The following CPPED1 variants were observed in gnomAD, a reference collection of about 807,000 sequenced individuals.
CPPED1 encodes serine/threonine-protein phosphatase CPPED1.
CPPED1 carries 28 observed loss-of-function variants against 28.0 expected under a neutral mutation model. The ratio of observed to expected loss-of-function variants is 1.00; its 90% CI spans 0.74 to 1.37. CPPED1 has a LOEUF of 1.37. Among genes scored for constraint, CPPED1 ranks in the 40% most tolerant of loss-of-function variants. CPPED1 has a pLI of 0.00. For missense variants in CPPED1, 504 were observed against 416.5 expected, an observed-to-expected ratio of 1.21 and a Z score of -1.83; for synonymous variants, 198 against 180.2, an observed-to-expected ratio of 1.10 and a Z score of -0.79.
At chr16:12,734,621 C>T (rs990887686) in intron 2 of CPPED1, among the ~76,000 whole-genome samples, 2 of 151,942 alleles carry the variant, frequency 1.3e-5, no homozygotes, top group South Asian at 2.1e-4. Flanking sequence ...CCTCATGATC[C>T]GCCCACGTCG....
At chr16:12,700,138 G>A (rs1245953637) in intron 3 of CPPED1, among the ~76,000 whole-genome samples, 1 of 152,178 alleles carries the variant, frequency 6.6e-6, no homozygotes, top group Non-Finnish European at 1.5e-5. Flanking sequence ...GGCAGGCCAC[G>A]GAAACTGACA....
At chr16:12,737,244 GT>G (rs1331287343) in intron 2 of CPPED1, among the ~76,000 whole-genome samples, 1 of 151,962 alleles carries the variant, frequency 6.6e-6, no homozygotes, top group African/African-American at 2.4e-5. Context: ...CAATGAAAAG[GT>G]AACATTTGAG....
chr16:12,764,664 A>G (rs2080429199), intron 2 of CPPED1, among the ~76,000 whole-genome samples: 1 of 152,166 alleles, frequency 6.6e-6, no homozygotes, highest in Non-Finnish European at 1.5e-5. Context: ...ATAAACCATG[A>G]GCCTGGTGGG....
chr16:12,664,518 G>C lies in CPPED1; in HGVS notation c.*368C>G. 1 of 1,069,544 alleles carries C rather than the reference G, an allele frequency of 9.3e-7. No individual in the cohort carries two copies. The highest frequency in any genetic ancestry group is 1.1e-6 in the Non-Finnish European group (1 of 883,750). 66.3% of individuals were successfully genotyped at this position (1,069,544 alleles called of 1,614,324 possible). Reference sequence around the variant, plus strand: ...TAAGGAATTATCAAAGATCATACTTGGCTGTCAGATTGGAATTGAGGTCGA... The same window carrying C: ...TAAGGAATTATCAAAGATCATACTTCGCTGTCAGATTGGAATTGAGGTCGA... On this transcript the variant is annotated 3_prime_UTR_variant, in exon 4 of 4. Transcript: ENST00000381774. The surrounding 1 kb of genome is among the most constrained non-coding windows in gnomAD (Gnocchi z 4.2).
At chr16:12,715,870 G>A (rs371404070) in intron 2 of CPPED1, among the ~76,000 whole-genome samples, 1 of 152,156 alleles carries the variant, frequency 6.6e-6, no homozygotes, top group Non-Finnish European at 1.5e-5. Context: ...CCTGCAGCCC[G>A]TATGCAGCCC....
intron 3 of CPPED1, among the ~76,000 whole-genome samples, chr16:12,696,399 A>G (rs1233417570): frequency 6.7e-6 from 1 of 149,684 alleles, no homozygotes; most frequent in Non-Finnish European, 1.5e-5. Context: ...GCCCTTAGTG[A>G]GTGCTCACTA....
At chr16:12,739,781 T>C (rs1313250874) in intron 2 of CPPED1, among the ~76,000 whole-genome samples, 1 of 152,008 alleles carries the variant, frequency 6.6e-6, no homozygotes, top group Non-Finnish European at 1.5e-5. Context: ...TGAGGAGAAA[T>C]TGGCTGGGGG....
chr16:12,665,209 A>T, intron 3 of CPPED1, 94 bp from the exon 4 acceptor site: 43 of 976,182 alleles, frequency 4.4e-5, no homozygotes, highest in Non-Finnish European at 5.3e-5. Context: ...GTAATATATT[A>T]AATATATTAT....
chr16:12,677,029 T>C (rs1034932661), intron 3 of CPPED1, among the ~76,000 whole-genome samples: 2 of 151,868 alleles, frequency 1.3e-5, no homozygotes, highest in Non-Finnish European at 2.9e-5. Context: ...ACACATCAGG[T>C]GAGGGGAATA....
chr16:12,800,623 C>T (rs1249440202), intron 1 of CPPED1, among the ~76,000 whole-genome samples: 2 of 152,178 alleles, frequency 1.3e-5, no homozygotes, highest in Non-Finnish European at 2.9e-5. Flanking sequence ...CTTCCTCACA[C>T]ATCCAGCTTG....
intron 1 of CPPED1, among the ~76,000 whole-genome samples, chr16:12,786,083 A>T (rs1357960668): frequency 6.6e-6 from 1 of 152,208 alleles, no homozygotes; most frequent in African/African-American, 2.4e-5. Context: ...AGCCTGATGA[A>T]GAGGGACAAG....
intron 3 of CPPED1, among the ~76,000 whole-genome samples, chr16:12,694,450 A>G (rs1027985986): frequency 3.3e-5 from 5 of 152,124 alleles, no homozygotes; most frequent in Non-Finnish European, 5.9e-5. Flanking sequence ...AATTAGCCCA[A>G]CTGTTAAGGA....
intron 3 of CPPED1, among the ~76,000 whole-genome samples, chr16:12,677,928 G>A (rs542102525): frequency 2.6e-5 from 4 of 152,306 alleles, no homozygotes; most frequent in South Asian, 4.1e-4. Context: ...ACTCAACTCC[G>A]CCTTCCTTTG....
chr16:12,716,172 G>C (rs915919979), intron 2 of CPPED1, among the ~76,000 whole-genome samples: 1 of 152,212 alleles, frequency 6.6e-6, no homozygotes, highest in East Asian at 1.9e-4. Flanking sequence ...CACTGGACAT[G>C]TTACTTCTGG....
At chr16:12,797,595 C>G (rs1158204964) in intron 1 of CPPED1, among the ~76,000 whole-genome samples, 1 of 152,098 alleles carries the variant, frequency 6.6e-6, no homozygotes, top group Non-Finnish European at 1.5e-5. Flanking sequence ...GTGGCTCACA[C>G]CTGTAATCCT....
rs759075092 is a variant in CPPED1, at chr16:12,704,623, C to A, written c.715+1G>T. ...TGAAACCCGTGGCCCGGGGCCTCTACCTGCGTGGATGAACTTGTCTGCCAA... is the reference window on the plus strand; with the variant it reads ...TGAAACCCGTGGCCCGGGGCCTCTAACTGCGTGGATGAACTTGTCTGCCAA... On this transcript the variant is annotated splice_donor_variant, in intron 3 of 3. Transcript: ENST00000381774. LOFTEE classifies it high-confidence loss of function. 13 of 1,605,782 alleles carry A rather than the reference C, an allele frequency of 8.1e-6. No homozygotes were observed. The Admixed American group carries it at 1.3e-4, about 17-fold the overall frequency.
At chr16:12,744,297 A>AAAGCAAGCAAGCAAGC (rs1167597052) in intron 2 of CPPED1, among the ~76,000 whole-genome samples, 10 of 130,172 alleles carry the variant, frequency 7.7e-5, no homozygotes, top group Non-Finnish European at 9.5e-5. Context: ...AGAGAGAGAG[A>AAAGCAAGCAAGCAAGC]AAGCAAGCAA....
intron 3 of CPPED1, among the ~76,000 whole-genome samples, chr16:12,694,008 C>T (rs1191481717): frequency 1.8e-4 from 28 of 152,136 alleles, no homozygotes; most frequent in Admixed American, 1.8e-3. Flanking sequence ...GAGTTAGAGA[C>T]CAGCCTGGCC....
At chr16:12,786,405 C>T (rs201632928) in intron 1 of CPPED1, among the ~76,000 whole-genome samples, 1 of 152,188 alleles carries the variant, frequency 6.6e-6, no homozygotes, top group East Asian at 1.9e-4. Context: ...TTTCCTTAAA[C>T]TAACACTTCA....
Sources: allele counts gnomAD v4.1 joint callset (sites outside exome capture counted in the v4.1 genomes callset), GRCh38; gene constraint gnomAD v4.1.1; non-coding constraint Gnocchi (gnomAD v3.1); transcripts MANE v1.5; gene names NCBI Gene and HGNC (gene_info 2026-07-23, HGNC 2026-07-21).